WWOX: variants seen among roughly 807,000 people sequenced by gnomAD.
The protein encoded by WWOX is WW domain-containing oxidoreductase.
In WWOX, 69 loss-of-function variants were observed where a neutral mutation model predicts 46.2. The observed-to-expected ratio is 1.49, with a 90% CI of 1.23 to 1.82. The LOEUF is 1.82. WWOX is among the 40% of genes most tolerant of loss of function. The pLI is 0.00. For missense variants in WWOX, 919 were observed against 542.6 expected (o/e 1.69, Z -6.89); for synonymous variants, 359 against 202.6 (o/e 1.77, Z -6.56).
chr16:78,452,613 C>A lies in WWOX; in HGVS notation c.1056+19861C>A, dbSNP rs372496167. ...GCCTCAGCCTCCCGAGTAGCTGGGA[C>A]TGTAGGCATGCACTACCACACCTGG... is the stretch of plus-strand genomic sequence containing the variant. On this transcript the variant is annotated intron_variant, in intron 8 of 8. Transcript: ENST00000566780. Among the ~76,000 whole-genome samples, 11 of 148,692 alleles carry A rather than the reference C, an allele frequency of 7.4e-5. 1 individual carries two copies. Among genetic ancestry groups the A allele is most frequent in the African/African-American group, 2.5e-4 (10 of 40,278 alleles).
chr16:78,772,824 G>C (rs2050096776), intron 8 of WWOX, among the ~76,000 whole-genome samples: 1 of 152,106 alleles, frequency 6.6e-6, no homozygotes, highest in African/African-American at 2.4e-5. Context: ...TTTGAGACCA[G>C]CCTGGACAAC....
intron 5 of WWOX, among the ~76,000 whole-genome samples, chr16:78,382,934 G>A (rs1356989595): frequency 6.6e-6 from 1 of 151,846 alleles, no homozygotes; most frequent in Middle Eastern, 3.2e-3. Flanking sequence ...CTGTGTTCAT[G>A]TTCTGCTTCT....
At chr16:78,169,758 G>A (rs1699115958) in intron 5 of WWOX, among the ~76,000 whole-genome samples, 1 of 152,128 alleles carries the variant, frequency 6.6e-6, no homozygotes, top group African/African-American at 2.4e-5. Context: ...TACGTTGTTT[G>A]CAGGAGGAAA....
intron 8 of WWOX, among the ~76,000 whole-genome samples, chr16:78,592,029 T>C (rs1029808943): frequency 1.3e-5 from 2 of 152,166 alleles, no homozygotes; most frequent in African/African-American, 4.8e-5. Flanking sequence ...TAAGCATCGA[T>C]TTTACCTTTG....
At chr16:78,207,068 G>A (rs1232145233) in intron 5 of WWOX, among the ~76,000 whole-genome samples, 1 of 152,162 alleles carries the variant, frequency 6.6e-6, no homozygotes, top group African/African-American at 2.4e-5. Context: ...AGAGGGCTAA[G>A]GAAAGGGAGA....
intron 8 of WWOX, among the ~76,000 whole-genome samples, chr16:79,169,271 ATG>A (rs3032229): frequency 0.42 from 64,109 of 151,890 alleles, 14,584 homozygotes; most frequent in East Asian, 0.84. Context: ...AGCACATCAA[ATG>A]TCTGAGACTT....
intron 8 of WWOX, among the ~76,000 whole-genome samples, chr16:78,511,588 T>C (rs1038902533): frequency 6.6e-6 from 1 of 152,172 alleles, no homozygotes; most frequent in African/African-American, 2.4e-5. Flanking sequence ...TCTCCCAATA[T>C]ATTTCTTGTT....
intron 8 of WWOX, among the ~76,000 whole-genome samples, chr16:78,619,808 C>T (rs994838483): frequency 1.3e-5 from 2 of 152,028 alleles, no homozygotes; most frequent in Admixed American, 6.6e-5. Flanking sequence ...ACTCAGGAGG[C>T]TGAGGCAGGA....
At chr16:78,292,796 T>C (rs754034323) in intron 5 of WWOX, among the ~76,000 whole-genome samples, 2 of 152,200 alleles carry the variant, frequency 1.3e-5, no homozygotes, top group Non-Finnish European at 2.9e-5. Flanking sequence ...ACAGATCTTA[T>C]TTGTAGAGCT....
chr16:78,925,009 A>G (rs989145192), intron 8 of WWOX, among the ~76,000 whole-genome samples: 3 of 152,194 alleles, frequency 2.0e-5, no homozygotes, highest in South Asian at 4.1e-4. Flanking sequence ...AGCCTGGGCA[A>G]CATGGCAAAA....
At chr16:78,398,375 A>C (rs2082336666) in intron 6 of WWOX, among the ~76,000 whole-genome samples, 1 of 151,986 alleles carries the variant, frequency 6.6e-6, no homozygotes, top group South Asian at 2.1e-4. Context: ...CTCCTCTCCC[A>C]CTTGTCCATC....
chr16:79,069,188 T>A (rs1260344002), intron 8 of WWOX, among the ~76,000 whole-genome samples: 1 of 152,166 alleles, frequency 6.6e-6, no homozygotes, highest in African/African-American at 2.4e-5. Flanking sequence ...GGTATCCTCT[T>A]GACCTGGAAT....
At chr16:78,740,694 A>T (rs2049199989) in intron 8 of WWOX, among the ~76,000 whole-genome samples, 1 of 152,128 alleles carries the variant, frequency 6.6e-6, no homozygotes, top group African/African-American at 2.4e-5. Context: ...CAGTTGGCCG[A>T]TTGAAGCGCT....
At chr16:78,664,275 G>A (rs112677406) in intron 8 of WWOX, among the ~76,000 whole-genome samples, 1,873 of 152,270 alleles carry the variant, frequency 0.012, 18 homozygotes, top group Middle Eastern at 0.041. Flanking sequence ...TGGACCACAA[G>A]CCCCTAACTC....
At chr16:78,310,132 C>T (rs1313275189) in intron 5 of WWOX, among the ~76,000 whole-genome samples, 1 of 151,962 alleles carries the variant, frequency 6.6e-6, no homozygotes, top group East Asian at 1.9e-4. Flanking sequence ...GTTTTAAACC[C>T]ATCTGTTTTT....
chr16:78,334,818 A>ACACACACACACACACGCC (rs2080844476), intron 5 of WWOX, among the ~76,000 whole-genome samples: 1 of 82,646 alleles, frequency 1.2e-5, no homozygotes, highest in Non-Finnish European at 2.7e-5. Context: ...GCACACACAC[A>ACACACACACACACACGCC]CACACACACA....
intron 8 of WWOX, among the ~76,000 whole-genome samples, chr16:79,117,302 C>G (rs187046482): frequency 3.3e-5 from 5 of 152,280 alleles, no homozygotes; most frequent in Non-Finnish European, 7.3e-5. Flanking sequence ...AGCCACCACA[C>G]TGGACCAAGC....
At chr16:78,882,199 G>A (rs1187298294) in intron 8 of WWOX, among the ~76,000 whole-genome samples, 4 of 152,188 alleles carry the variant, frequency 2.6e-5, no homozygotes, top group Non-Finnish European at 5.9e-5. Flanking sequence ...TTAAGAATAA[G>A]TGTCATAAAG....
chr16:78,911,276 C>A (rs1043382081), intron 8 of WWOX, among the ~76,000 whole-genome samples: 1 of 152,026 alleles, frequency 6.6e-6, no homozygotes, highest in East Asian at 1.9e-4. Context: ...TCATAACTAC[C>A]TTGCTTGCCT....
Sources: allele counts gnomAD v4.1 joint callset (sites outside exome capture counted in the v4.1 genomes callset), GRCh38; gene constraint gnomAD v4.1.1; transcripts MANE v1.5; gene names NCBI Gene and HGNC (gene_info 2026-07-23, HGNC 2026-07-21).